NTM: variants seen among roughly 807,000 people sequenced by gnomAD.
NTM encodes IgLON family member 2.
NTM carries 13 observed loss-of-function variants against 42.1 expected under a neutral mutation model. The observed-to-expected ratio is 0.31, with a 90% CI of 0.20 to 0.49. The LOEUF (loss-of-function observed/expected upper bound fraction) is 0.49, where lower values mean the gene tolerates loss of function less well. Among genes scored for constraint, NTM ranks in the 20% least tolerant of loss-of-function variants. NTM has a pLI of 0.99. For synonymous variants in NTM, 187 were observed against 179.2 expected (o/e 1.04, Z -0.35); for missense variants, 373 against 452.8 (o/e 0.82, Z 1.60).
chr11:131,975,452 A>G (rs2064181930), intron 2 of NTM, among the ~76,000 whole-genome samples: 1 of 152,164 alleles, frequency 6.6e-6, no homozygotes, highest in Non-Finnish European at 1.5e-5. Flanking sequence ...TGCTGGGATT[A>G]CAGGCGTGAG....
At chr11:132,183,654 G>A (rs961957884) in intron 3 of NTM, among the ~76,000 whole-genome samples, 3 of 152,006 alleles carry the variant, frequency 2.0e-5, no homozygotes, top group East Asian at 1.9e-4. Flanking sequence ...GAAAGCACCA[G>A]ACAAGTATAT....
intron 2 of NTM, among the ~76,000 whole-genome samples, chr11:132,011,121 C>G (rs2072075516): frequency 6.6e-6 from 1 of 151,840 alleles, no homozygotes; most frequent in Non-Finnish European, 1.5e-5. Flanking sequence ...TCCCTTATAA[C>G]AATTAGGTCT....
intron 1 of NTM, among the ~76,000 whole-genome samples, chr11:131,615,509 G>A (rs1440750965): frequency 6.6e-6 from 1 of 152,110 alleles, no homozygotes; most frequent in African/African-American, 2.4e-5. Context: ...GGGATTACAG[G>A]CACCCACCAC....
intron 1 of NTM, among the ~76,000 whole-genome samples, chr11:131,411,012 T>C (rs547051731): frequency 6.6e-6 from 1 of 152,320 alleles, no homozygotes; most frequent in South Asian, 2.1e-4. Flanking sequence ...CCTCATTTGC[T>C]GCCAGACACT....
chr11:131,466,506 T>C (rs1346257669), intron 1 of NTM, among the ~76,000 whole-genome samples: 1 of 152,186 alleles, frequency 6.6e-6, no homozygotes, highest in South Asian at 2.1e-4. Context: ...TAAGGTCAGC[T>C]CTTGGAACTA....
chr11:131,948,211 A>T (rs2060560934), intron 2 of NTM, among the ~76,000 whole-genome samples: 1 of 151,934 alleles, frequency 6.6e-6, no homozygotes, highest in African/African-American at 2.4e-5. Flanking sequence ...AATATAAAAA[A>T]AAAATTAGCC....
intron 7 of NTM, among the ~76,000 whole-genome samples, chr11:132,316,693 A>C (rs952773827): frequency 2.0e-5 from 3 of 152,182 alleles, no homozygotes; most frequent in Admixed American, 1.3e-4. Flanking sequence ...TGAGGAGTCC[A>C]TCACTAGCAA....
At chr11:131,643,324 T>C (rs1382063065) in intron 1 of NTM, among the ~76,000 whole-genome samples, 1 of 152,216 alleles carries the variant, frequency 6.6e-6, no homozygotes, top group African/African-American at 2.4e-5. Context: ...GCCGTGCCAG[T>C]CGTGGCCCAG....
At chr11:131,426,653 C>T (rs1424726049) in intron 1 of NTM, among the ~76,000 whole-genome samples, 2 of 152,092 alleles carry the variant, frequency 1.3e-5, no homozygotes, top group Non-Finnish European at 2.9e-5. Flanking sequence ...AGGCCAGAGA[C>T]CCCGATATCC....
At chr11:131,575,460 G>T (rs750577668) in intron 1 of NTM, among the ~76,000 whole-genome samples, 3 of 152,148 alleles carry the variant, frequency 2.0e-5, no homozygotes, top group African/African-American at 4.8e-5. Context: ...GAGATGTTCA[G>T]TACTGCTCTT....
intron 1 of NTM, among the ~76,000 whole-genome samples, chr11:131,489,770 A>G (rs1030659434): frequency 6.6e-6 from 1 of 152,204 alleles, no homozygotes; most frequent in Admixed American, 6.5e-5. Context: ...TAGCATTTTC[A>G]ATTTTACCTG....
At chr11:132,031,324 A>G (rs2075887741) in intron 2 of NTM, among the ~76,000 whole-genome samples, 1 of 152,184 alleles carries the variant, frequency 6.6e-6, no homozygotes, top group Non-Finnish European at 1.5e-5. Flanking sequence ...TTTATTTTCA[A>G]AGAGTAACTC....
rs1429400036 is a variant in NTM at position 131,618,226 on chromosome 11, A to C, written c.82+247338A>C. Among the ~76,000 whole-genome samples, 4 of 152,356 alleles carry C rather than the reference A, an allele frequency of 2.6e-5. No homozygotes were observed. In the East Asian group the frequency reaches 7.7e-4, roughly 29 times the overall value. On this transcript the variant is annotated intron_variant, in intron 1 of 8. Transcript: ENST00000683400. ...CTCAAAAGGCCTCCAGAGGTTGCTT[A>C]GTGCAGCCCCTTCCCCCAAGCAGGT...
intron 1 of NTM, among the ~76,000 whole-genome samples, chr11:131,657,150 C>CA (rs55842346): frequency 0.013 from 1,865 of 148,002 alleles, 48 homozygotes; most frequent in African/African-American, 0.044. Flanking sequence ...AAGACCAGCC[C>CA]AAAAAAAAAA....
intron 1 of NTM, among the ~76,000 whole-genome samples, chr11:131,454,902 C>T (rs7950545): frequency 0.37 from 56,476 of 151,840 alleles, 10,539 homozygotes; most frequent in Middle Eastern, 0.41. Context: ...GGCTTAAGCC[C>T]TGAAATGTGC....
At chr11:132,308,041 G>A (rs973450326) in intron 5 of NTM, among the ~76,000 whole-genome samples, 2 of 152,232 alleles carry the variant, frequency 1.3e-5, no homozygotes, top group Non-Finnish European at 2.9e-5. Context: ...AGTAGCTAAA[G>A]TAACTGAAAA....
intron 1 of NTM, chr11:131,660,348 G>A: frequency 2.6e-6 from 1 of 384,612 alleles, no homozygotes; most frequent in Non-Finnish European, 5.2e-6. Flanking sequence ...GACCTTGGGT[G>A]AATTCATTCA....
intron 2 of NTM, among the ~76,000 whole-genome samples, chr11:132,104,576 A>ACCCCC (rs139338697): frequency 6.4e-5 from 9 of 139,638 alleles, no homozygotes; most frequent in African/African-American, 2.5e-4. Context: ...ACATAGTGGG[A>ACCCCC]CCCCCCCCCA....
intron 1 of NTM, among the ~76,000 whole-genome samples, chr11:131,408,305 C>T (rs764087676): frequency 6.6e-6 from 1 of 152,180 alleles, no homozygotes; most frequent in Non-Finnish European, 1.5e-5. Flanking sequence ...CTGTAAGAAG[C>T]TTACGTAAGT....
Sources: gnomAD v4.1 joint callset for allele counts (sites outside exome capture counted in the v4.1 genomes callset) on GRCh38, gnomAD v4.1.1 for gene constraint, MANE v1.5 for transcripts, NCBI Gene and HGNC (gene_info 2026-07-23, HGNC 2026-07-21) for gene names.